Variants in NR2F1-AS1 observed in about 807,000 individuals in gnomAD.
The protein encoded by NR2F1-AS1 is NR2F1 antisense RNA 1.
intron 4 of NR2F1-AS1, among the ~76,000 whole-genome samples, chr5:93,437,150 A>G (rs1362977185): frequency 6.6e-6 from 1 of 152,164 alleles, no homozygotes; most frequent in East Asian, 1.9e-4. Context: ...ATGATAAAAT[A>G]TAACTTCTTG....
chr5:93,455,052 C>T (rs1334815247), intron 4 of NR2F1-AS1, among the ~76,000 whole-genome samples: 1 of 152,178 alleles, frequency 6.6e-6, no homozygotes, highest in Non-Finnish European at 1.5e-5. Context: ...ATGAGAACCA[C>T]TGATTTACAG....
chr5:93,465,382 T>G lies in NR2F1-AS1; in HGVS notation n.639-69840A>C, dbSNP rs569626866. Among the ~76,000 whole-genome samples, 4 of 152,302 alleles carry G rather than the reference T, an allele frequency of 2.6e-5. No homozygotes were observed. The South Asian group carries it at 8.3e-4, about 32-fold the overall frequency. On this transcript the variant is annotated intron_variant and non_coding_transcript_variant, in intron 4 of 5. Transcript: ENST00000660523. ...AAATCAAAACCACAATGAGATACCA[T>G]CTCATGCCAGTTAGAATGGCGATCA...
chr5:93,513,785 C>A lies in NR2F1-AS1; in HGVS notation n.638+39976G>T, dbSNP rs576432675. ...AATAAACCCAGGTAACAAACTTGCA[C>A]ATGTAACCCTGAATCTAAAATAAAA... On this transcript the variant is annotated intron_variant and non_coding_transcript_variant, in intron 4 of 5. Transcript: ENST00000660523. Among the ~76,000 whole-genome samples, 282 of 152,202 alleles carry A rather than the reference C, an allele frequency of 1.9e-3. 1 individual carries two copies. Among genetic ancestry groups the A allele is most frequent in the Non-Finnish European group, 3.3e-3 (227 of 67,978 alleles).
At chr5:93,494,384 A>C (rs1410382228) in intron 4 of NR2F1-AS1, among the ~76,000 whole-genome samples, 1 of 152,180 alleles carries the variant, frequency 6.6e-6, no homozygotes, top group Non-Finnish European at 1.5e-5. Flanking sequence ...TAATCTGAGC[A>C]CTATTGGGAG....
At chr5:93,570,480 T>C (rs1039547432) in intron 1 of NR2F1-AS1, 3 of 152,220 alleles carry the variant, frequency 2.0e-5, no homozygotes, top group Admixed American at 6.5e-5. Flanking sequence ...CTTAAAAGAT[T>C]GGCGGGGACC....
At chr5:93,463,854 C>A (rs1408854790) in intron 4 of NR2F1-AS1, among the ~76,000 whole-genome samples, 1 of 152,156 alleles carries the variant, frequency 6.6e-6, no homozygotes, top group Non-Finnish European at 1.5e-5. Context: ...TGCTGGTACC[C>A]CCATTGGATC....
At chr5:93,416,187 A>G (rs1027760239) in intron 4 of NR2F1-AS1, among the ~76,000 whole-genome samples, 1 of 152,202 alleles carries the variant, frequency 6.6e-6, no homozygotes, top group African/African-American at 2.4e-5. Context: ...TTCTCTCCCA[A>G]TGAATGGAAT....
chr5:93,525,483 T>A (rs1450779041), intron 4 of NR2F1-AS1, among the ~76,000 whole-genome samples: 1 of 152,170 alleles, frequency 6.6e-6, no homozygotes, highest in Non-Finnish European at 1.5e-5. Context: ...TATTCAGGAC[T>A]TGAACTCAGC....
At chr5:93,482,702 C>A (rs1750626247) in intron 4 of NR2F1-AS1, among the ~76,000 whole-genome samples, 1 of 152,168 alleles carries the variant, frequency 6.6e-6, no homozygotes, top group Admixed American at 6.5e-5. Context: ...GATCAACCGG[C>A]TTGAAATTCT....
chr5:93,585,160 C>T (rs1458930150), upstream of NR2F1-AS1: 4 of 1,191,070 alleles, frequency 3.4e-6, no homozygotes, highest in East Asian at 3.6e-5. Context: ...CAGGCGGGCT[C>T]GGGCGCGCCG....
At chr5:93,557,820 G>A (rs1219368111) in intron 2 of NR2F1-AS1, among the ~76,000 whole-genome samples, 1 of 152,176 alleles carries the variant, frequency 6.6e-6, no homozygotes, top group Admixed American at 6.5e-5. Context: ...ACCCACAGTA[G>A]AGCTTCTTTC....
chr5:93,444,525 C>G (rs1016671630), intron 4 of NR2F1-AS1, among the ~76,000 whole-genome samples: 2 of 152,086 alleles, frequency 1.3e-5, no homozygotes, highest in East Asian at 1.9e-4. Context: ...ATGCACCCAA[C>G]AGAGGAGCAC....
At position 93,573,190 on chromosome 5, in the gene NR2F1-AS1, G is replaced by A. The variant is rs529166462; in HGVS notation, n.313+7277C>T. On this transcript the variant is annotated intron_variant and non_coding_transcript_variant, in intron 1 of 5. Coordinates refer to ENST00000660523, the Ensembl canonical transcript of NR2F1-AS1. Reference sequence around the variant, plus strand: ...TGCCGAAGGCCCAGAAAGGGAGTGCGGGGGAGAGGGCAAACTAGTGAGTTT... The same window carrying A: ...TGCCGAAGGCCCAGAAAGGGAGTGCAGGGGAGAGGGCAAACTAGTGAGTTT... Among the ~76,000 whole-genome samples the A allele has an allele frequency of 2.6e-3, 391 of 152,370 alleles. 1 individual carries two copies. Among genetic ancestry groups the A allele is most frequent in the African/African-American group, 8.4e-3 (350 of 41,590 alleles).
chr5:93,429,723 C>T (rs1002279608), intron 4 of NR2F1-AS1, among the ~76,000 whole-genome samples: 3 of 152,052 alleles, frequency 2.0e-5, no homozygotes, highest in African/African-American at 7.2e-5. Flanking sequence ...CCCAAGAATA[C>T]AAAAGAAAGA....
intron 4 of NR2F1-AS1, among the ~76,000 whole-genome samples, chr5:93,531,536 T>C (rs1170030497): frequency 6.6e-6 from 1 of 152,244 alleles, no homozygotes; most frequent in Non-Finnish European, 1.5e-5. Context: ...CTGGGTGATT[T>C]CCTTGTAAAT....
At chr5:93,517,398 C>T (rs554390966) in intron 4 of NR2F1-AS1, among the ~76,000 whole-genome samples, 1 of 152,066 alleles carries the variant, frequency 6.6e-6, no homozygotes, top group East Asian at 1.9e-4. Flanking sequence ...CTGGTGATAT[C>T]TCCTGTTAGT....
chr5:93,505,892 A>T (rs1232378208), intron 4 of NR2F1-AS1, among the ~76,000 whole-genome samples: 3 of 152,210 alleles, frequency 2.0e-5, no homozygotes, highest in African/African-American at 7.2e-5. Context: ...GGGGATTAAC[A>T]TTAGGCTCCT....
rs900697976 is a variant in NR2F1-AS1 at position 93,499,756 on chromosome 5, G to T, written n.638+54005C>A. 5.9e-5 allele frequency among the ~76,000 whole-genome samples: 9 copies of T among 152,140 alleles called. 1 individual carries two copies. In the South Asian group the frequency reaches 1.9e-3, roughly 32 times the overall value. On this transcript the variant is annotated intron_variant and non_coding_transcript_variant, in intron 4 of 5. Transcript: ENST00000660523. ...CTCTTGTGCCAAACAGCCAAGTTAC[G>T]AATGTAAAGTAAAAGTTTTTGAAGG...
chr5:93,454,683 T>C (rs1283640668), intron 4 of NR2F1-AS1, among the ~76,000 whole-genome samples: 2 of 152,202 alleles, frequency 1.3e-5, no homozygotes, highest in Non-Finnish European at 2.9e-5. Context: ...CTTTTAGCTC[T>C]ACCCTCAGAT....
Sources: allele counts gnomAD v4.1 joint callset (sites outside exome capture counted in the v4.1 genomes callset), GRCh38; gene constraint gnomAD v4.1.1; transcripts MANE v1.5; gene names NCBI Gene and HGNC (gene_info 2026-07-23, HGNC 2026-07-21).